Variants in LAMTOR3 observed in about 807,000 individuals in gnomAD.
The protein encoded by LAMTOR3 is late endosomal/lysosomal adaptor, MAPK and MTOR activator 3, also known as ragulator complex protein LAMTOR3.
A neutral mutation model predicts 20.3 loss-of-function variants in LAMTOR3; 14 were observed. The ratio of observed to expected loss-of-function variants is 0.69; its 90% confidence interval spans 0.46 to 1.08. The LOEUF (loss-of-function observed/expected upper bound fraction) is 1.08. Among genes scored for constraint, LAMTOR3 ranks in the 50% least tolerant of loss-of-function variants. The pLI is 0.00. For synonymous variants in LAMTOR3, 40 were observed against 49.4 expected, an observed-to-expected ratio of 0.81 and a Z score of 0.80; for missense variants, 125 against 143.7, an observed-to-expected ratio of 0.87 and a Z score of 0.67.
intron 5 of LAMTOR3, among the ~76,000 whole-genome samples, chr4:99,885,340 C>T (rs549180859): frequency 1.3e-5 from 2 of 152,240 alleles, no homozygotes; most frequent in African/African-American, 2.4e-5. Flanking sequence ...CACTTAATTA[C>T]TTTTCCATAG....
At chr4:99,882,162 A>G in intron 6 of LAMTOR3, 95 bp from the exon 7 acceptor site, 1 of 707,544 alleles carries the variant, frequency 1.4e-6, no homozygotes, top group Non-Finnish European at 2.4e-6. Context: ...ATAGTTACCA[A>G]AAGTAAATCA....
chr4:99,882,083 T>TA lies in LAMTOR3; in HGVS notation c.302-17dup, dbSNP rs1482760792. 1 of 1,497,614 alleles carries TA rather than the reference T, an allele frequency of 6.7e-7. No individual in the cohort carries two copies. The highest frequency in any genetic ancestry group is 2.2e-5 in the Admixed American group (1 of 45,694). The allele number at this position is 1,497,614 out of a possible 1,614,324, so 92.8% of individuals were successfully genotyped here. The stretch of plus-strand genomic sequence containing the variant: ...ACAATTAGTCCTAAAATAAAGAGAT[T>TA]AAGAAAATTACATGTTAGAAAAATG... On this transcript the variant is annotated splice_polypyrimidine_tract_variant and intron_variant, in intron 6 of 6. Coordinates refer to ENST00000499666, the MANE Select transcript of LAMTOR3 (RefSeq NM_021970.4).
chr4:99,890,945 G>T (rs1725011176), intron 3 of LAMTOR3, among the ~76,000 whole-genome samples: 1 of 152,094 alleles, frequency 6.6e-6, no homozygotes, highest in South Asian at 2.1e-4. Context: ...ACACTTAATA[G>T]TTAAAATGAG....
At chr4:99,883,805 C>A (rs1177778659) in intron 6 of LAMTOR3, among the ~76,000 whole-genome samples, 1 of 151,042 alleles carries the variant, frequency 6.6e-6, no homozygotes, top group Non-Finnish European at 1.5e-5. Flanking sequence ...AATCACTTAC[C>A]CATACACTGT....
intron 2 of LAMTOR3, 47 bp downstream of exon 2, chr4:99,893,908 C>A: frequency 7.1e-7 from 1 of 1,417,552 alleles, no homozygotes; most frequent in Non-Finnish European, 9.4e-7. Flanking sequence ...GTATGCCCCT[C>A]AAAATTCCCC....
At chr4:99,892,167 T>C (rs191645406) in intron 2 of LAMTOR3, 133 bp from the exon 3 acceptor site, 2 of 1,380,524 alleles carry the variant, frequency 1.4e-6, no homozygotes, top group Admixed American at 3.5e-5. Context: ...TCTTTCTCTG[T>C]CTGATTTGGA....
At chr4:99,882,934 T>C (rs1366427355) in intron 6 of LAMTOR3, among the ~76,000 whole-genome samples, 2 of 152,092 alleles carry the variant, frequency 1.3e-5, no homozygotes, top group African/African-American at 4.8e-5. Context: ...AAACAGAGCC[T>C]GTTTTATGTT....
At chr4:99,883,635 T>TA (rs756635877) in intron 6 of LAMTOR3, among the ~76,000 whole-genome samples, 23 of 152,038 alleles carry the variant, frequency 1.5e-4, no homozygotes, top group Non-Finnish European at 2.2e-4. Context: ...AGGTAAAATT[T>TA]AAAAAATTCT....
intron 3 of LAMTOR3, among the ~76,000 whole-genome samples, chr4:99,888,929 G>A (rs1215984793): frequency 6.6e-6 from 1 of 152,162 alleles, no homozygotes; most frequent in Non-Finnish European, 1.5e-5. Flanking sequence ...CATAGGCCGG[G>A]CACAGTGGCT....
At chr4:99,890,635 A>T (rs1171449629) in intron 3 of LAMTOR3, among the ~76,000 whole-genome samples, 1 of 152,226 alleles carries the variant, frequency 6.6e-6, no homozygotes, top group Non-Finnish European at 1.5e-5. Context: ...TATTAAAAAA[A>T]AAACTGACAG....
intron 3 of LAMTOR3, among the ~76,000 whole-genome samples, chr4:99,891,655 G>A (rs988740792): frequency 2.0e-5 from 3 of 152,080 alleles, no homozygotes; most frequent in Non-Finnish European, 4.4e-5. Context: ...GGCCAACAAA[G>A]ACGAAATACA....
At chr4:99,893,914 TC>T (rs776615603) in intron 2 of LAMTOR3, 40 bp downstream of exon 2, 16 of 1,427,732 alleles carry the variant, frequency 1.1e-5, no homozygotes, top group Non-Finnish European at 1.5e-5. Flanking sequence ...CCCTCAAAAT[TC>T]CCCACTCTCC....
intron 5 of LAMTOR3, 122 bp from the exon 6 acceptor site, chr4:99,884,247 A>ATT: frequency 1.4e-6 from 1 of 695,070 alleles, no homozygotes; most frequent in East Asian, 2.7e-5. Context: ...ACATTATGGT[A>ATT]TTATATTATG....
intron 6 of LAMTOR3, 140 bp downstream of exon 6, chr4:99,883,922 G>A: frequency 1.6e-6 from 1 of 608,214 alleles, no homozygotes; most frequent in Admixed American, 2.9e-5. Flanking sequence ...CCCAAGACAT[G>A]GAAAAAAGAC....
rs1724811053 is a variant in LAMTOR3, at chr4:99,880,816, G to A, written c.*1178C>T. On this transcript the variant is annotated 3_prime_UTR_variant, in exon 7 of 7. Transcript: ENST00000499666. ...ATGCATATGTACTGAACTGATCCAG[G>A]GAAAAACTGATTGTCAAAGAGCCTA... 6.6e-6 allele frequency: 1 copy of A among 152,194 alleles called. No homozygotes were observed. Among genetic ancestry groups the A allele is most frequent in the Admixed American group, 6.5e-5 (1 of 15,272 alleles). 9.4% of individuals were successfully genotyped at this position (152,194 alleles called of 1,614,324 possible).
At chr4:99,891,906 A>C in intron 3 of LAMTOR3, 94 bp downstream of exon 3, 1 of 1,489,838 alleles carries the variant, frequency 6.7e-7, no homozygotes, top group African/African-American at 1.5e-5. Flanking sequence ...AATCTCAGAG[A>C]TACTTCACAA....
rs772545504 is a variant in LAMTOR3 at position 99,881,957 on chromosome 4, T to C, written c.*37A>G. ...TTGCTGGATTGATATTGTGTTGTTA[T>C]AATGAAGATAAGGTACACACTGAAA... On this transcript the variant is annotated 3_prime_UTR_variant, in exon 7 of 7. Transcript: ENST00000499666. 2 of 1,305,172 alleles carry C rather than the reference T, an allele frequency of 1.5e-6. No individual in the cohort carries two copies. Among genetic ancestry groups the C allele is most frequent in the Non-Finnish European group, 1.1e-6 (1 of 903,860 alleles). The allele number at this position is 1,305,172 out of a possible 1,614,324, so 80.8% of individuals were successfully genotyped here.
At chr4:99,886,890 TA>T (rs1297953458) in intron 4 of LAMTOR3, among the ~76,000 whole-genome samples, 1 of 152,008 alleles carries the variant, frequency 6.6e-6, no homozygotes, top group Non-Finnish European at 1.5e-5. Context: ...CTAAAACAAC[TA>T]GCAATTTGAT....
intron 2 of LAMTOR3, among the ~76,000 whole-genome samples, chr4:99,892,725 C>A (rs1317803679): frequency 1.4e-5 from 2 of 147,172 alleles, no homozygotes; most frequent in East Asian, 4.0e-4. Flanking sequence ...GTTGTCCAGG[C>A]TGGAGTGCAA....
Sources: gnomAD v4.1 joint callset for allele counts (sites outside exome capture counted in the v4.1 genomes callset) on GRCh38, gnomAD v4.1.1 for gene constraint, MANE v1.5 for transcripts, NCBI Gene and HGNC (gene_info 2026-07-23, HGNC 2026-07-21) for gene names.